Variants in MYCBP2 observed in about 807,000 individuals in gnomAD.
The protein encoded by MYCBP2 is E3 ubiquitin-protein ligase MYCBP2.
Under a neutral mutation model 525.3 loss-of-function variants are expected in MYCBP2, and 120 were observed. The ratio of observed to expected loss-of-function variants is 0.23; its 90% CI spans 0.20 to 0.27. The LOEUF is 0.27. Among genes scored for constraint, MYCBP2 ranks in the 10% least tolerant of loss-of-function variants. MYCBP2 has a pLI of 1.00. For synonymous variants in MYCBP2, 1,894 were observed against 1,955.8 expected (o/e 0.97, Z 0.83); for missense variants, 4,149 against 5,657.1 (o/e 0.73, Z 8.55).
intron 38 of MYCBP2, among the ~76,000 whole-genome samples, chr13:77,170,758 G>A (rs1476687733): frequency 1.3e-5 from 2 of 151,844 alleles, no homozygotes; most frequent in Non-Finnish European, 2.9e-5. Flanking sequence ...TTTATTTTTA[G>A]TAGAGATGGG....
intron 4 of MYCBP2, among the ~76,000 whole-genome samples, chr13:77,276,344 G>A (rs1009338215): frequency 2.6e-5 from 4 of 151,204 alleles, no homozygotes; most frequent in Non-Finnish European, 5.9e-5. Context: ...ACAACCGAAT[G>A]GGAAAAAAAG....
intron 4 of MYCBP2, among the ~76,000 whole-genome samples, chr13:77,275,201 A>C (rs1360373147): frequency 1.3e-5 from 2 of 152,352 alleles, no homozygotes; most frequent in Middle Eastern, 3.4e-3. Flanking sequence ...TAAACAAATA[A>C]TTTAAGAAAA....
At chr13:77,226,627 A>T (rs2066312474) in intron 18 of MYCBP2, among the ~76,000 whole-genome samples, 1 of 152,154 alleles carries the variant, frequency 6.6e-6, no homozygotes, top group African/African-American at 2.4e-5. Flanking sequence ...CTGTATTTTC[A>T]TTGTGCATTT....
intron 3 of MYCBP2, among the ~76,000 whole-genome samples, chr13:77,282,660 T>C (rs979332704): frequency 1.3e-5 from 2 of 152,158 alleles, no homozygotes; most frequent in African/African-American, 2.4e-5. Flanking sequence ...TCTATTTTTC[T>C]AGCTGACACT....
intron 23 of MYCBP2, among the ~76,000 whole-genome samples, chr13:77,207,985 G>A (rs1177602237): frequency 1.8e-5 from 2 of 109,162 alleles, no homozygotes; most frequent in African/African-American, 7.1e-5. Context: ...CCAGATGAAT[G>A]AGTATTTGAC....
rs763730260 is a variant in MYCBP2, at chr13:77,326,641, G to C, written c.135C>G (p.Ser45=). 1.2e-5 allele frequency: 18 copies of C among 1,542,826 alleles called. No individual in the cohort carries two copies. Among genetic ancestry groups the C allele is most frequent in the Non-Finnish European group, 1.6e-5 (18 of 1,148,168 alleles). ...GALFMPVPDG[S]VAAAGLGLGL... ...CCAGCCCCAGCCCCGCAGCAGCCAC[G>C]GAGCCGTCGGGAACCGGCATGAACA... The change falls in exon 1 of 83, where the codon TCC becomes TCG. Residue 45 remains serine, a synonymous_variant. Coordinates refer to ENST00000544440, the MANE Select transcript of MYCBP2 (RefSeq NM_015057.5). This position sits in a 1 kb window ranked among gnomAD's most constrained non-coding sequence, Gnocchi z 4.2.
chr13:77,296,488 A>T, intron 2 of MYCBP2, 111 bp downstream of exon 2: 1 of 1,168,690 alleles, frequency 8.6e-7, no homozygotes, highest in Non-Finnish European at 1.1e-6. Flanking sequence ...TTACAAAATT[A>T]CTTCAGCACA....
intron 3 of MYCBP2, among the ~76,000 whole-genome samples, chr13:77,286,704 C>T (rs1333042428): frequency 2.7e-5 from 3 of 110,216 alleles, no homozygotes; most frequent in African/African-American, 1.1e-4. Context: ...TGCAGTGAGC[C>T]GAGATGGCAC....
At chr13:77,235,484 A>G (rs191707318) in intron 17 of MYCBP2, among the ~76,000 whole-genome samples, 41 of 152,268 alleles carry the variant, frequency 2.7e-4, no homozygotes, top group Admixed American at 2.0e-3. Flanking sequence ...GTGATGGAGC[A>G]AAAGTCTTGG....
chr13:77,147,912 T>C (rs980137670), intron 47 of MYCBP2, among the ~76,000 whole-genome samples: 6 of 152,120 alleles, frequency 3.9e-5, no homozygotes, highest in Non-Finnish European at 8.8e-5. Context: ...TCACAGATAC[T>C]GTTTGGGAAT....
intron 18 of MYCBP2, among the ~76,000 whole-genome samples, chr13:77,226,870 T>C (rs2066355522): frequency 6.6e-6 from 1 of 152,142 alleles, no homozygotes; most frequent in Admixed American, 6.5e-5. Context: ...GGAAACGTCT[T>C]AATCATACAG....
At chr13:77,164,326 A>C in intron 43 of MYCBP2, 128 bp downstream of exon 43, 2 of 639,276 alleles carry the variant, frequency 3.1e-6, no homozygotes, top group Non-Finnish European at 5.5e-6. Context: ...CAGTACATGA[A>C]GCAGTTATTG....
At chr13:77,179,612 T>C (rs1216720598) in intron 34 of MYCBP2, among the ~76,000 whole-genome samples, 2 of 152,234 alleles carry the variant, frequency 1.3e-5, no homozygotes, top group Non-Finnish European at 2.9e-5. Flanking sequence ...ATGATTAGAA[T>C]GGCAAATTTT....
At chr13:77,318,476 C>T (rs1191019302) in intron 1 of MYCBP2, among the ~76,000 whole-genome samples, 2 of 152,152 alleles carry the variant, frequency 1.3e-5, no homozygotes, top group East Asian at 3.8e-4. Context: ...AAATACTGGG[C>T]CAGGCGCAGT....
At chr13:77,282,408 CT>C (rs2076287679) in intron 3 of MYCBP2, among the ~76,000 whole-genome samples, 1 of 142,062 alleles carries the variant, frequency 7.0e-6, no homozygotes, top group South Asian at 2.2e-4. Context: ...GAAACTCCAT[CT>C]TGAAAAAAAA....
intron 60 of MYCBP2, among the ~76,000 whole-genome samples, chr13:77,089,550 T>C (rs1053564416): frequency 5.9e-5 from 9 of 152,152 alleles, no homozygotes; most frequent in Non-Finnish European, 1.3e-4. Context: ...ATCACTATAT[T>C]ACCCTGTTCT....
In MYCBP2 at chr13:77,075,778, C is replaced by T. The variant is rs1283018987; in HGVS notation, c.11823+973G>A. ...TTGTTTAGTACAGAGTTGACATCTG[C>T]TAAAATTCAATTGACTTAACAGGTA... On this transcript the variant is annotated intron_variant, in intron 68 of 82. Coordinates refer to ENST00000544440, the MANE Select transcript of MYCBP2 (RefSeq NM_015057.5). 3 of 152,230 alleles carry T rather than the reference C, an allele frequency of 2.0e-5. No homozygotes were observed. The East Asian group carries it at 5.8e-4, about 29-fold the overall frequency. 9.4% of individuals were successfully genotyped at this position (152,230 alleles called of 1,614,324 possible).
At chr13:77,325,352 C>A (rs2082158050) in intron 1 of MYCBP2, among the ~76,000 whole-genome samples, 1 of 152,096 alleles carries the variant, frequency 6.6e-6, no homozygotes, top group Non-Finnish European at 1.5e-5. Context: ...CTGCAAGAAG[C>A]TGTGGGAAAA....
chr13:77,065,391 CCTT>C (rs1477850806), intron 72 of MYCBP2, among the ~76,000 whole-genome samples: 1 of 152,192 alleles, frequency 6.6e-6, no homozygotes, highest in Non-Finnish European at 1.5e-5. Context: ...AATTCCTCCT[CCTT>C]CTCCAAGCTG....
Sources: allele counts gnomAD v4.1 joint callset (sites outside exome capture counted in the v4.1 genomes callset), GRCh38; gene constraint gnomAD v4.1.1; non-coding constraint Gnocchi (gnomAD v3.1); transcripts MANE v1.5; gene names NCBI Gene and HGNC (gene_info 2026-07-23, HGNC 2026-07-21).